The following AFF1 variants were observed in gnomAD, a reference collection of about 807,000 sequenced individuals.
The protein encoded by AFF1 is ALF transcription elongation factor 1.
In AFF1, 48 loss-of-function variants were observed where a neutral mutation model predicts 121.7. That is an observed-to-expected ratio of 0.39 (90% CI 0.31 to 0.50). AFF1 has a LOEUF of 0.50. Ranked by LOEUF, AFF1 falls within the 20% of genes least tolerant of loss-of-function variation. The probability of loss-of-function intolerance (pLI) is 0.76; values close to 1 mark genes in which losing one functional copy is unlikely to be tolerated. For missense variants in AFF1, 1,523 were observed against 1,511.7 expected (o/e 1.01, Z -0.12); for synonymous variants, 613 against 563.0 (o/e 1.09, Z -1.26).
chr4:87,083,069 CAG>C (rs1466494492), intron 4 of AFF1, among the ~76,000 whole-genome samples: 9 of 152,184 alleles, frequency 5.9e-5, no homozygotes, highest in Admixed American at 1.3e-4. Flanking sequence ...TGAATTGACA[CAG>C]AGCAAGTTGC....
chr4:87,139,815 T>C lies in AFF1; in HGVS notation c.*4114T>C, dbSNP rs1350049763. The C allele has an allele frequency of 1.2e-4, 27 of 226,074 alleles. No individual in the cohort carries two copies. The highest frequency in any genetic ancestry group is 1.8e-4 in the South Asian group (1 of 5,442). The allele number at this position is 226,074 out of a possible 1,614,324, so 14.0% of individuals were successfully genotyped here. A position where few individuals can be genotyped will look rare whatever the true frequency, so the allele number is the denominator to read the frequency against. On this transcript the variant is annotated 3_prime_UTR_variant, in exon 21 of 21. Coordinates refer to ENST00000395146, the MANE Select transcript of AFF1 (RefSeq NM_001166693.3). ...ATTGCCACCATGTGAACCTCAAATA[T>C]GCAATCCAGTTGTGTTGGTTTCTCG...
intron 17 of AFF1, 59 bp from the exon 18 acceptor site, chr4:87,131,734 A>T (rs1454009270): frequency 7.5e-7 from 1 of 1,325,468 alleles, no homozygotes; most frequent in Admixed American, 2.1e-5. Context: ...CAAGCATAGT[A>T]AGTTGTATTT....
At chr4:86,991,372 G>C (rs1724694149) in intron 2 of AFF1, among the ~76,000 whole-genome samples, 1 of 151,894 alleles carries the variant, frequency 6.6e-6, no homozygotes, top group Non-Finnish European at 1.5e-5. Context: ...GTGAACCTGG[G>C]AGGCGGACCT....
At chr4:87,026,962 A>G (rs920086790) in intron 2 of AFF1, among the ~76,000 whole-genome samples, 1 of 152,246 alleles carries the variant, frequency 6.6e-6, no homozygotes, top group Non-Finnish European at 1.5e-5. Context: ...AAATATGAAG[A>G]AGGAAATGTG....
intron 2 of AFF1, among the ~76,000 whole-genome samples, chr4:87,028,913 G>A (rs1728797126): frequency 6.6e-6 from 1 of 152,206 alleles, no homozygotes; most frequent in Non-Finnish European, 1.5e-5. Context: ...CAAAGGAGGT[G>A]CCCTTAGTTG....
chr4:86,967,759 A>ATTC, intron 2 of AFF1, among the ~76,000 whole-genome samples: 1 of 152,274 alleles, frequency 6.6e-6, no homozygotes, highest in Non-Finnish European at 1.5e-5. Context: ...AAGATGGGAA[A>ATTC]GACTGAGAGT....
rs1729293788 is a variant in AFF1, at chr4:87,136,273, C to T, written c.*572C>T. 4.3e-6 allele frequency: 1 copy of T among 232,142 alleles called. No individual in the cohort carries two copies. Among genetic ancestry groups the T allele is most frequent in the Non-Finnish European group, 8.5e-6 (1 of 117,368 alleles). 14.4% of individuals were successfully genotyped at this position (232,142 alleles called of 1,614,324 possible). The stretch of plus-strand genomic sequence containing the variant: ...CTGTGCCCCACTTTCTGCCAATGAA[C>T]AGTGGCTTGATAATACCAAGTATTG... On this transcript the variant is annotated 3_prime_UTR_variant, in exon 21 of 21. Coordinates refer to ENST00000395146, the MANE Select transcript of AFF1 (RefSeq NM_001166693.3).
chr4:87,115,625 T>TTTTTTTTTTTCC (rs397994396), intron 12 of AFF1, among the ~76,000 whole-genome samples: 3 of 102,970 alleles, frequency 2.9e-5, no homozygotes, highest in African/African-American at 6.6e-5. Flanking sequence ...TTTTTTTTTT[T>TTTTTTTTTTTCC]CCAAAGACAG....
Position 87,134,463 on chromosome 4 carries a change from C to T in AFF1, c.3312-8C>T. 6.3e-7 allele frequency: 1 copy of T among 1,580,796 alleles called. No individual in the cohort carries two copies. On this transcript the variant is annotated splice_region_variant and splice_polypyrimidine_tract_variant and intron_variant, in intron 19 of 20. Transcript: ENST00000395146. The stretch of plus-strand genomic sequence containing the variant: ...CTGATCAGTTATCTCTTCTCTTCCA[C>T]CTCCCAGAAGCACAGGCACACCATC...
At chr4:87,059,983 C>G (rs555958139) in intron 4 of AFF1, among the ~76,000 whole-genome samples, 1 of 152,306 alleles carries the variant, frequency 6.6e-6, no homozygotes, top group East Asian at 1.9e-4. Flanking sequence ...TCACTCTGGT[C>G]TGGAGTCTGA....
intron 4 of AFF1, among the ~76,000 whole-genome samples, chr4:87,074,310 A>G (rs1194748150): frequency 6.6e-6 from 1 of 152,202 alleles, no homozygotes. Flanking sequence ...GCCTTTAAAA[A>G]AAAAAAAATC....
chr4:86,953,171 G>T (rs1449273520), intron 2 of AFF1, among the ~76,000 whole-genome samples: 2 of 151,744 alleles, frequency 1.3e-5, no homozygotes, highest in African/African-American at 2.4e-5. Flanking sequence ...ATAATTTCTA[G>T]CTCCTCACCT....
intron 4 of AFF1, among the ~76,000 whole-genome samples, chr4:87,069,336 G>A (rs1721726929): frequency 7.3e-6 from 1 of 136,772 alleles, no homozygotes; most frequent in African/African-American, 2.9e-5. Context: ...GATTTGCATG[G>A]TTGTTAGTTT....
chr4:87,054,306 C>T lies in AFF1; in HGVS notation c.1059+6712C>T, dbSNP rs72877962. On this transcript the variant is annotated intron_variant, in intron 4 of 20. Coordinates refer to ENST00000395146, the MANE Select transcript of AFF1 (RefSeq NM_001166693.3). Reference sequence around the variant, plus strand: ...CCTCCCAGTGGCTCAAGAAGCCCCCCGACATGTGGGTCTCGGGCACAAGGA... The same window carrying T: ...CCTCCCAGTGGCTCAAGAAGCCCCCTGACATGTGGGTCTCGGGCACAAGGA... Among the ~76,000 whole-genome samples, 208 of 152,316 alleles carry T rather than the reference C, an allele frequency of 1.4e-3. 1 individual carries two copies. Among genetic ancestry groups the T allele is most frequent in the African/African-American group, 4.5e-3 (188 of 41,570 alleles).
intron 4 of AFF1, among the ~76,000 whole-genome samples, chr4:87,062,301 G>A (rs1284257303): frequency 6.6e-6 from 1 of 152,152 alleles, no homozygotes; most frequent in Non-Finnish European, 1.5e-5. Context: ...GGTGTATCTT[G>A]CTACGTCCTC....
At chr4:87,047,725 TA>T in intron 4 of AFF1, 131 bp downstream of exon 4, 1 of 1,222,288 alleles carries the variant, frequency 8.2e-7, no homozygotes, top group Non-Finnish European at 1.2e-6. Context: ...TTTTTGGCTT[TA>T]GGATCTTGTT....
chr4:87,034,143 AG>A (rs1430050321), intron 2 of AFF1, among the ~76,000 whole-genome samples: 1 of 152,184 alleles, frequency 6.6e-6, no homozygotes, highest in Admixed American at 6.5e-5. Flanking sequence ...CTGAGATATT[AG>A]TGGAGAGAGA....
At position 87,114,969 on chromosome 4, in the gene AFF1, CCTGA is replaced by C. The variant is rs1375456767; in HGVS notation, c.2141_2144del (p.Thr714ArgfsTer36). On this transcript the variant is annotated frameshift_variant, in exon 12 of 21. Coordinates refer to ENST00000395146, the MANE Select transcript of AFF1 (RefSeq NM_001166693.3). LOFTEE classifies it high-confidence loss of function. ...CCCCTGAGCACTTTGCTCTTGTTCC[CCTGA>C]CTGAGAGCCAGGGCCCACCCCACAG... is the stretch of plus-strand genomic sequence containing the variant. 1 of 1,613,260 alleles carries C rather than the reference CCTGA, an allele frequency of 6.2e-7. No individual in the cohort carries two copies. Among genetic ancestry groups the C allele is most frequent in the Non-Finnish European group, 8.5e-7 (1 of 1,179,624 alleles).
chr4:87,098,061 G>A (rs1294421697), intron 8 of AFF1, among the ~76,000 whole-genome samples: 2 of 152,078 alleles, frequency 1.3e-5, no homozygotes, highest in African/African-American at 2.4e-5. Context: ...ACCAATCTAG[G>A]TCTTAATGCT....
Sources: gnomAD v4.1 joint callset for allele counts (sites outside exome capture counted in the v4.1 genomes callset) on GRCh38, gnomAD v4.1.1 for gene constraint, MANE v1.5 for transcripts, NCBI Gene and HGNC (gene_info 2026-07-23, HGNC 2026-07-21) for gene names.